Variants in SRBD1 observed in about 807,000 individuals in gnomAD.
SRBD1 encodes S1 RNA binding domain 1.
A neutral mutation model predicts 115.3 loss-of-function variants in SRBD1; 88 were observed. The ratio of observed to expected loss-of-function variants is 0.76; its 90% CI spans 0.64 to 0.91. The LOEUF (loss-of-function observed/expected upper bound fraction) is 0.91, where lower values mean the gene tolerates loss of function less well. Ranked by LOEUF, SRBD1 falls within the 40% of genes least tolerant of loss-of-function variation. SRBD1 has a pLI of 0.00. For missense variants in SRBD1, 1,385 were observed against 1,177.4 expected (o/e 1.18, Z -2.58); for synonymous variants, 509 against 407.7 (o/e 1.25, Z -2.99).
At position 45,493,580 on chromosome 2, in the gene SRBD1, G is replaced by A. The variant is rs1670364467; in HGVS notation, c.1875-5249C>T. Among the ~76,000 whole-genome samples, 4 of 152,210 alleles carry A rather than the reference G, an allele frequency of 2.6e-5. No homozygotes were observed. The South Asian group carries it at 8.3e-4, about 32-fold the overall frequency. On this transcript the variant is annotated intron_variant, in intron 14 of 20. Transcript: ENST00000263736. Reference sequence around the variant, plus strand: ...AATCCCAGCACTTTGGGAGGCCCAGGTGGGTGGATCACCTGAGGTCAGGAG... The same window carrying A: ...AATCCCAGCACTTTGGGAGGCCCAGATGGGTGGATCACCTGAGGTCAGGAG...
chr2:45,548,902 T>A (rs1337741203), intron 12 of SRBD1: 1 of 152,136 alleles, frequency 6.6e-6, no homozygotes, highest in Non-Finnish European at 1.5e-5. Flanking sequence ...CACCTATGCA[T>A]CAGCATCTGC....
rs763082981 is a variant in SRBD1, at chr2:45,389,527, C to A, written c.2771G>T (p.Gly924Val). ...AAAGAGAGTGGCATTCTCAACTTTG[C>A]CTGTAAGAACTGTCCCAATCTGCAG... is the stretch of plus-strand genomic sequence containing the variant. Reference protein sequence around the residue: ...EDLQIGTVLTGKVENATLFGI... With the variant: ...EDLQIGTVLTVKVENATLFGI... The change falls in exon 21 of 21, where the codon GGC becomes GTC. Residue 924 changes from glycine to valine, a missense_variant. Gly to Val is a moderately radical substitution (Grantham distance 109). Coordinates refer to ENST00000263736, the MANE Select transcript of SRBD1 (RefSeq NM_018079.5). The A allele has an allele frequency of 6.2e-7, 1 of 1,614,036 alleles. No homozygotes were observed. Among genetic ancestry groups the A allele is most frequent in the Non-Finnish European group, 8.5e-7 (1 of 1,179,956 alleles).
At chr2:45,482,538 C>T (rs1669997093) in intron 15 of SRBD1, among the ~76,000 whole-genome samples, 1 of 151,510 alleles carries the variant, frequency 6.6e-6, no homozygotes, top group Non-Finnish European at 1.5e-5. Flanking sequence ...ATTTTACGTA[C>T]AGTATGGTGA....
chr2:45,460,117 G>A (rs1371471268), intron 16 of SRBD1, among the ~76,000 whole-genome samples: 1 of 152,012 alleles, frequency 6.6e-6, no homozygotes, highest in African/African-American at 2.4e-5. Context: ...AACACGTCCT[G>A]GCTCACTGCC....
At chr2:45,541,935 G>A (rs902813484) in intron 14 of SRBD1, among the ~76,000 whole-genome samples, 1 of 152,254 alleles carries the variant, frequency 6.6e-6, no homozygotes, top group African/African-American at 2.4e-5. Flanking sequence ...CACACTCCCG[G>A]CCACAGACTC....
At chr2:45,559,873 G>A (rs1672604643) in intron 10 of SRBD1, among the ~76,000 whole-genome samples, 1 of 152,116 alleles carries the variant, frequency 6.6e-6, no homozygotes, top group Admixed American at 6.5e-5. Flanking sequence ...TTGAGTTCAG[G>A]AGTTTGAGAA....
intron 14 of SRBD1, among the ~76,000 whole-genome samples, chr2:45,521,199 A>G (rs896120084): frequency 6.6e-6 from 1 of 151,842 alleles, no homozygotes; most frequent in African/African-American, 2.4e-5. Context: ...ATGACACCCA[A>G]TGACTGCAGG....
chr2:45,609,848 C>T (rs1161307433), intron 1 of SRBD1, among the ~76,000 whole-genome samples: 1 of 152,142 alleles, frequency 6.6e-6, no homozygotes, highest in East Asian at 1.9e-4. Context: ...TTGTTTATTG[C>T]TTGCACTGCT....
intron 16 of SRBD1, among the ~76,000 whole-genome samples, chr2:45,468,344 C>T (rs997085696): frequency 6.6e-6 from 1 of 151,322 alleles, no homozygotes; most frequent in African/African-American, 2.4e-5. Context: ...ATGATGAGCA[C>T]AGTATTTCCA....
intron 14 of SRBD1, among the ~76,000 whole-genome samples, chr2:45,533,624 A>C (rs1235072581): frequency 6.6e-6 from 1 of 152,010 alleles, no homozygotes; most frequent in African/African-American, 2.4e-5. Context: ...GTCAGTTTGG[A>C]GGAGTATCTA....
chr2:45,467,411 G>A (rs1398357750), intron 16 of SRBD1, among the ~76,000 whole-genome samples: 1 of 152,134 alleles, frequency 6.6e-6, no homozygotes, highest in Non-Finnish European at 1.5e-5. Context: ...AATAGTATAC[G>A]ATAAATGCTA....
chr2:45,560,106 A>G (rs1415573278), intron 10 of SRBD1, among the ~76,000 whole-genome samples: 3 of 152,138 alleles, frequency 2.0e-5, no homozygotes, highest in African/African-American at 4.8e-5. Flanking sequence ...GAAAAAAAAG[A>G]AAAAGAAAAA....
At chr2:45,562,393 A>T (rs1201166709) in intron 10 of SRBD1, among the ~76,000 whole-genome samples, 1 of 151,878 alleles carries the variant, frequency 6.6e-6, no homozygotes, top group Non-Finnish European at 1.5e-5. Flanking sequence ...TGCCCAGCTA[A>T]TTTTTTGTTT....
In SRBD1 at chr2:45,574,662, A is replaced by C; in HGVS notation, c.1134T>G (p.Ala378=). The part of the protein sequence containing the change: ...GVQHILADMI[A]KDKDTLDFIR... Reference sequence around the variant, plus strand: ...TGAAGTCAAGCGTGTCTTTGTCTTTAGCAATCATATCTGCTAAAATATGCT... The same window carrying C: ...TGAAGTCAAGCGTGTCTTTGTCTTTCGCAATCATATCTGCTAAAATATGCT... The change falls in exon 8 of 21, where the codon GCT becomes GCG. Residue 378 remains alanine, a synonymous_variant. Transcript: ENST00000263736. The C allele has an allele frequency of 6.2e-7, 1 of 1,613,908 alleles. No homozygotes were observed. The highest frequency in any genetic ancestry group is 8.5e-7 in the Non-Finnish European group (1 of 1,179,884).
intron 19 of SRBD1, among the ~76,000 whole-genome samples, chr2:45,409,933 A>AT (rs577243495): frequency 9.9e-5 from 15 of 152,058 alleles, no homozygotes; most frequent in South Asian, 6.2e-4. Flanking sequence ...GCAATATGAC[A>AT]TTTTTTTTGT....
intron 15 of SRBD1, among the ~76,000 whole-genome samples, chr2:45,480,694 T>C (rs1349201895): frequency 1.3e-5 from 2 of 152,200 alleles, no homozygotes; most frequent in African/African-American, 4.8e-5. Flanking sequence ...AAATATTACA[T>C]AAACTTCATT....
intron 16 of SRBD1, among the ~76,000 whole-genome samples, chr2:45,450,402 T>G (rs1437352613): frequency 6.6e-6 from 1 of 152,144 alleles, no homozygotes; most frequent in Non-Finnish European, 1.5e-5. Context: ...ATTTGTATAG[T>G]ACCAAATGCA....
intron 1 of SRBD1, among the ~76,000 whole-genome samples, chr2:45,609,725 A>G (rs1260415487): frequency 6.6e-6 from 1 of 152,144 alleles, no homozygotes; most frequent in Non-Finnish European, 1.5e-5. Context: ...TGCATCCCTT[A>G]GATCTTAACA....
chr2:45,392,329 G>C (rs553697525), intron 20 of SRBD1, among the ~76,000 whole-genome samples: 46 of 152,278 alleles, frequency 3.0e-4, no homozygotes, highest in African/African-American at 1.0e-3. Flanking sequence ...AATCTCAGGG[G>C]TTCCTATTCA....
Sources: gnomAD v4.1 joint callset for allele counts (sites outside exome capture counted in the v4.1 genomes callset) on GRCh38, gnomAD v4.1.1 for gene constraint, MANE v1.5 for transcripts, NCBI Gene and HGNC (gene_info 2026-07-23, HGNC 2026-07-21) for gene names.